Variants in ZNF568 observed in about 807,000 individuals in gnomAD.
ZNF568 encodes p53 inhibitor of SCO2 activation.
A neutral mutation model predicts 18.1 loss-of-function variants in ZNF568; 11 were observed. The observed-to-expected ratio is 0.61, with a 90% CI of 0.38 to 1.00. ZNF568 has a LOEUF of 1.00. Among genes scored for constraint, ZNF568 ranks in the 50% least tolerant of loss-of-function variants. ZNF568 has a pLI of 0.01. For missense variants in ZNF568, 639 were observed against 768.2 expected, an observed-to-expected ratio of 0.83 and a Z score of 1.99; for synonymous variants, 213 against 246.6, an observed-to-expected ratio of 0.86 and a Z score of 1.28.
intron 2 of ZNF568, among the ~76,000 whole-genome samples, chr19:36,990,010 G>A (rs1018799131): frequency 6.6e-6 from 1 of 152,186 alleles, no homozygotes; most frequent in East Asian, 1.9e-4. Flanking sequence ...TTTCTAATTA[G>A]ACAAGAAAGG....
downstream of ZNF568, among the ~76,000 whole-genome samples, chr19:36,983,725 T>C (rs905525406): frequency 2.6e-5 from 4 of 152,078 alleles, no homozygotes; most frequent in Non-Finnish European, 5.9e-5. Flanking sequence ...TTCTATTTCA[T>C]TTATGCATAT....
At chr19:36,946,236 A>G (rs2073962652) in intron 6 of ZNF568, among the ~76,000 whole-genome samples, 1 of 152,146 alleles carries the variant, frequency 6.6e-6, no homozygotes. Context: ...AGTTTTTATC[A>G]ACTTGATATA....
intron 6 of ZNF568, among the ~76,000 whole-genome samples, chr19:36,963,952 C>G (rs892262543): frequency 8.1e-6 from 1 of 124,178 alleles, no homozygotes; most frequent in Admixed American, 1.2e-4. Context: ...GGCAACAAAG[C>G]GAGACTCAGT....
chr19:36,958,611 T>C (rs925686600), intron 6 of ZNF568, among the ~76,000 whole-genome samples: 1 of 94,906 alleles, frequency 1.1e-5, no homozygotes, highest in African/African-American at 4.1e-5. Flanking sequence ...TTTTTCTTTT[T>C]CTTTCTTTTT....
chr19:36,974,292 A>G, intron 6 of ZNF568: 1 of 714,294 alleles, frequency 1.4e-6, no homozygotes, highest in South Asian at 1.8e-5. Flanking sequence ...GATGACAGAG[A>G]GCGGTGGCGT....
At chr19:36,997,634 A>G (rs1269795784), downstream of ZNF568, 5 of 1,487,194 alleles carry the variant, frequency 3.4e-6, no homozygotes, top group Non-Finnish European at 4.6e-6. Context: ...AAACCATATG[A>G]ATGTCAGCAG....
In ZNF568 at chr19:36,951,415, C is replaced by G. The variant is rs926407463; in HGVS notation, c.*327C>G. 5.4e-6 allele frequency: 1 copy of G among 183,938 alleles called. No individual in the cohort carries two copies. The highest frequency in any genetic ancestry group is 2.4e-5 in the African/African-American group (1 of 42,518). 11.4% of individuals were successfully genotyped at this position (183,938 alleles called of 1,614,324 possible). On this transcript the variant is annotated 3_prime_UTR_variant, in exon 7 of 7. Transcript: ENST00000333987. ...TTGAAAAGAATAGAGGAAACACCCTCACTGTATGATATAAAGTTATAGTCA... is the reference window on the plus strand; with the variant it reads ...TTGAAAAGAATAGAGGAAACACCCTGACTGTATGATATAAAGTTATAGTCA...
intron 3 of ZNF568, 95 bp downstream of exon 3, chr19:36,922,941 A>G (rs1389020217): frequency 1.9e-6 from 2 of 1,027,258 alleles, no homozygotes; most frequent in Non-Finnish European, 2.9e-6. Flanking sequence ...GAGAAAGGTC[A>G]CGTATGTTAA....
downstream of ZNF568, among the ~76,000 whole-genome samples, chr19:36,956,403 C>T (rs2074107541): frequency 6.6e-6 from 1 of 152,148 alleles, no homozygotes; most frequent in Non-Finnish European, 1.5e-5. Context: ...CCCCAGGGAA[C>T]AAATTTCAAC....
chr19:36,997,277 A>G (rs2074485228), downstream of ZNF568: 3 of 1,602,956 alleles, frequency 1.9e-6, no homozygotes, highest in Non-Finnish European at 2.6e-6. Flanking sequence ...CAGAGTGTCC[A>G]TACTGGGGAG....
At chr19:36,938,232 C>T (rs2073822057) in intron 6 of ZNF568, among the ~76,000 whole-genome samples, 1 of 152,070 alleles carries the variant, frequency 6.6e-6, no homozygotes, top group South Asian at 2.1e-4. Flanking sequence ...CAAGTTTTCC[C>T]ATTGTTGCTT....
chr19:36,923,245 T>G (rs1340931330), intron 3 of ZNF568, among the ~76,000 whole-genome samples: 2 of 152,186 alleles, frequency 1.3e-5, no homozygotes, highest in East Asian at 3.9e-4. Context: ...TTTAGATATT[T>G]CCTGTTGATT....
At chr19:36,952,823 T>C (rs2074078639), downstream of ZNF568, 2 of 325,166 alleles carry the variant, frequency 6.2e-6, no homozygotes, top group Non-Finnish European at 8.8e-6. Context: ...GGAAATGTTA[T>C]AATGGATTCA....
chr19:36,920,360 C>T (rs570678300), intron 2 of ZNF568, among the ~76,000 whole-genome samples: 1 of 152,218 alleles, frequency 6.6e-6, no homozygotes, highest in African/African-American at 2.4e-5. Context: ...CAGTGGCTCA[C>T]CCCTATAATC....
At chr19:36,928,362 T>G (rs539803763) in intron 4 of ZNF568, among the ~76,000 whole-genome samples, 2 of 152,148 alleles carry the variant, frequency 1.3e-5, no homozygotes, top group Non-Finnish European at 1.5e-5. Flanking sequence ...AAAGGACCTA[T>G]TTATAAAGTA....
At chr19:36,991,375 T>G in intron 3 of ZNF568, 1 of 1,430,430 alleles carries the variant, frequency 7.0e-7, no homozygotes, top group Non-Finnish European at 9.1e-7. Context: ...CTTATGTTCT[T>G]TTTTCTGAGT....
chr19:36,986,806 C>T (rs2074380416), intron 2 of ZNF568, among the ~76,000 whole-genome samples: 2 of 152,178 alleles, frequency 1.3e-5, no homozygotes, highest in African/African-American at 4.8e-5. Flanking sequence ...GATCTCCCTT[C>T]ATAGACTGCT....
Position 36,950,272 on chromosome 19 carries a change from A to G in ZNF568, c.1119A>G (p.Arg373=). The G allele has an allele frequency of 6.2e-7, 1 of 1,613,980 alleles. No homozygotes were observed. The highest frequency in any genetic ancestry group is 8.5e-7 in the Non-Finnish European group (1 of 1,179,978). The change falls in exon 7 of 7, where the codon CGA becomes CGG. Residue 373 remains arginine, a synonymous_variant. Transcript: ENST00000333987. ...ATGAATGTGGTAGAGCTTTTTCTCG[A>G]ATGTCATCTGTTACGCTACATATGA... ...ACNECGRAFS[R]MSSVTLHMRS... is the part of the protein sequence containing the mutation.
chr19:36,976,606 A>G (rs933868313), intron 7 of ZNF568, among the ~76,000 whole-genome samples: 1 of 152,292 alleles, frequency 6.6e-6, no homozygotes, highest in South Asian at 2.1e-4. Context: ...CCTCAAAGTT[A>G]CGCAGTTAAA....
Sources: allele counts gnomAD v4.1 joint callset (sites outside exome capture counted in the v4.1 genomes callset), GRCh38; gene constraint gnomAD v4.1.1; transcripts MANE v1.5; gene names NCBI Gene and HGNC (gene_info 2026-07-23, HGNC 2026-07-21).